CSMD1: variants seen among roughly 807,000 people sequenced by gnomAD.
CSMD1 encodes CUB and sushi domain-containing protein 1.
Under a neutral mutation model 417.5 loss-of-function variants are expected in CSMD1, and 213 were observed. The ratio of observed to expected loss-of-function variants is 0.51; its 90% confidence interval spans 0.46 to 0.57. CSMD1 has a LOEUF of 0.57. Ranked by LOEUF, CSMD1 falls within the 20% of genes least tolerant of loss-of-function variation. The pLI, the probability that CSMD1 is intolerant of heterozygous loss-of-function variation, is 0.00. For synonymous variants in CSMD1, 2,862 were observed against 1,736.8 expected (o/e 1.65, Z -16.11); for missense variants, 6,923 against 4,529.7 (o/e 1.53, Z -15.17).
intron 3 of CSMD1, among the ~76,000 whole-genome samples, chr8:4,052,400 T>A (rs1798479915): frequency 6.6e-6 from 1 of 152,328 alleles, no homozygotes; most frequent in African/African-American, 2.4e-5. Flanking sequence ...AAGACCTATT[T>A]CTCCAAGTTC....
chr8:3,477,685 G>C (rs895476215), intron 11 of CSMD1, among the ~76,000 whole-genome samples: 1 of 152,180 alleles, frequency 6.6e-6, no homozygotes, highest in Non-Finnish European at 1.5e-5. Flanking sequence ...TATTTGATAA[G>C]CCAAACCAGA....
chr8:4,175,971 T>C (rs1798016435), intron 3 of CSMD1, among the ~76,000 whole-genome samples: 1 of 152,142 alleles, frequency 6.6e-6, no homozygotes. Flanking sequence ...GCTGGGCTTC[T>C]CTCATTGTAT....
At chr8:4,477,855 C>T (rs1474543037) in intron 2 of CSMD1, among the ~76,000 whole-genome samples, 3 of 152,200 alleles carry the variant, frequency 2.0e-5, no homozygotes, top group African/African-American at 7.2e-5. Context: ...TTTAACTGGA[C>T]ATAAATTCTG....
chr8:4,316,640 G>T (rs991039105), intron 3 of CSMD1, among the ~76,000 whole-genome samples: 2 of 152,108 alleles, frequency 1.3e-5, no homozygotes, highest in Non-Finnish European at 2.9e-5. Flanking sequence ...GAACGACAAT[G>T]GGGTACACTG....
chr8:4,582,915 A>T (rs1291370149), intron 2 of CSMD1, among the ~76,000 whole-genome samples: 1 of 152,052 alleles, frequency 6.6e-6, no homozygotes, highest in East Asian at 1.9e-4. Flanking sequence ...CTGGCCCCAC[A>T]CTCGGAGCAG....
intron 12 of CSMD1, among the ~76,000 whole-genome samples, chr8:3,432,957 G>C (rs1814313255): frequency 6.6e-6 from 1 of 152,114 alleles, no homozygotes; most frequent in Non-Finnish European, 1.5e-5. Context: ...ATAAATGGGG[G>C]GGTTACAGTC....
intron 7 of CSMD1, among the ~76,000 whole-genome samples, chr8:3,668,460 A>C (rs917865550): frequency 2.0e-5 from 3 of 152,040 alleles, no homozygotes; most frequent in African/African-American, 7.2e-5. Flanking sequence ...TCAGGTGGAG[A>C]GATGATAGAG....
chr8:4,379,336 T>C (rs1052356598), intron 3 of CSMD1, among the ~76,000 whole-genome samples: 9 of 152,114 alleles, frequency 5.9e-5, no homozygotes, highest in African/African-American at 9.7e-5. Context: ...CTGTCACAAA[T>C]TGGAGGAGAT....
chr8:4,440,996 C>CAA (rs34791858), intron 2 of CSMD1, among the ~76,000 whole-genome samples: 10 of 126,686 alleles, frequency 7.9e-5, no homozygotes, highest in African/African-American at 9.3e-5. Context: ...GACTCTATCT[C>CAA]AAAAAAAAAA....
chr8:4,442,726 T>C (rs1798555302), intron 2 of CSMD1, among the ~76,000 whole-genome samples: 1 of 152,144 alleles, frequency 6.6e-6, no homozygotes, highest in Admixed American at 6.6e-5. Flanking sequence ...TTGTTGATAA[T>C]ACAATCAGTC....
intron 5 of CSMD1, among the ~76,000 whole-genome samples, chr8:3,989,212 C>G (rs1814558544): frequency 6.6e-6 from 1 of 152,174 alleles, no homozygotes; most frequent in Non-Finnish European, 1.5e-5. Flanking sequence ...GTGGCAATCA[C>G]TTCTATTTTA....
At chr8:3,522,945 A>C (rs1428917221) in intron 10 of CSMD1, among the ~76,000 whole-genome samples, 1 of 150,732 alleles carries the variant, frequency 6.6e-6, no homozygotes, top group African/African-American at 2.4e-5. Flanking sequence ...ATATTGACAA[A>C]TATTTAAACC....
chr8:3,232,992 C>A (rs7838993), intron 26 of CSMD1, among the ~76,000 whole-genome samples: 48,912 of 151,784 alleles, frequency 0.32, 8,483 homozygotes, highest in Non-Finnish European at 0.39. Context: ...TTTTTATAAA[C>A]CTCATACATT....
intron 1 of CSMD1, among the ~76,000 whole-genome samples, chr8:4,662,129 T>C (rs544317899): frequency 6.6e-6 from 1 of 152,296 alleles, no homozygotes; most frequent in Admixed American, 6.5e-5. Context: ...TCTAATAGAT[T>C]GCAGTACAAT....
chr8:3,449,799 T>A (rs1815571274), intron 12 of CSMD1, among the ~76,000 whole-genome samples: 1 of 152,234 alleles, frequency 6.6e-6, no homozygotes, highest in African/African-American at 2.4e-5. Context: ...ATTACAGGCA[T>A]GAGCCACTGC....
intron 3 of CSMD1, among the ~76,000 whole-genome samples, chr8:4,329,413 C>A (rs543333086): frequency 2.0e-5 from 3 of 152,018 alleles, no homozygotes; most frequent in Non-Finnish European, 2.9e-5. Flanking sequence ...CGCAGCCTCC[C>A]GGGTAGCTGG....
intron 3 of CSMD1, among the ~76,000 whole-genome samples, chr8:4,270,991 CATTTTAAATTG>C (rs1804553550): frequency 6.6e-6 from 1 of 152,128 alleles, no homozygotes; most frequent in East Asian, 1.9e-4. Flanking sequence ...ACTGAGATTG[CATTTTAAATTG>C]TTATGAGAGC....
Position 3,164,173 on chromosome 8 carries a change from C to G in CSMD1, c.5726-1896G>C, listed in dbSNP as rs545028677. Among the ~76,000 whole-genome samples the G allele has an allele frequency of 2.7e-4, 41 of 152,294 alleles. 1 individual carries two copies. The highest frequency in any genetic ancestry group is 9.1e-4 in the African/African-American group (38 of 41,546). Reference sequence around the variant, plus strand: ...TGATTGTTCATTTGAGAATCCCATGCTACGGAATCCAGGTCAGAATGGAAA... The same window carrying G: ...TGATTGTTCATTTGAGAATCCCATGGTACGGAATCCAGGTCAGAATGGAAA... On this transcript the variant is annotated intron_variant, in intron 37 of 69. Coordinates refer to ENST00000635120, the MANE Select transcript of CSMD1 (RefSeq NM_033225.6).
intron 26 of CSMD1, 131 bp downstream of exon 26, chr8:3,284,013 C>A (rs1802946582): frequency 2.5e-6 from 2 of 813,254 alleles, no homozygotes; most frequent in African/African-American, 3.4e-5. Context: ...CATGCATTTT[C>A]CTAACTTCAA....
Sources: gnomAD v4.1 joint callset for allele counts (sites outside exome capture counted in the v4.1 genomes callset) on GRCh38, gnomAD v4.1.1 for gene constraint, MANE v1.5 for transcripts, NCBI Gene and HGNC (gene_info 2026-07-23, HGNC 2026-07-21) for gene names.